Variants in SF3B3 observed in about 807,000 individuals in gnomAD.
SF3B3 encodes the protein SAP 130.
In SF3B3, 33 loss-of-function variants were observed where a neutral mutation model predicts 139.2. The observed-to-expected ratio is 0.24, with a 90% CI of 0.18 to 0.32. The LOEUF is 0.32. SF3B3 is among the 10% of genes least tolerant of loss of function. SF3B3 has a pLI of 1.00. For missense variants in SF3B3, 818 were observed against 1,509.4 expected (o/e 0.54, Z 7.59); for synonymous variants, 596 against 563.6 (o/e 1.06, Z -0.81).
rs1453853433 is a variant in SF3B3 at position 70,544,539 on chromosome 16, G to T, written c.1329+6G>T. On this transcript the variant is annotated splice_donor_region_variant and intron_variant, in intron 10 of 25. Transcript: ENST00000302516. ...TCCTAAGACATGGACTTGAGGTAAG[G>T]TTGCAATTTCTAGATAATCTGCAGG... 2.5e-6 allele frequency: 4 copies of T among 1,569,836 alleles called. No individual in the cohort carries two copies. The highest frequency in any genetic ancestry group is 3.5e-6 in the Non-Finnish European group (4 of 1,139,874).
In SF3B3 at chr16:70,554,564, C is replaced by G. The variant is rs1426672103; in HGVS notation, c.1521C>G (p.Ser507=). ...TCCTGGGGACCACCCCGACCTTGTC[C>G]TGCTCCTTATTAGGAGATGATGCCT... is the stretch of plus-strand genomic sequence containing the variant. ...SGFLGTTPTL[S]CSLLGDDALV... The change falls in exon 12 of 26, where the codon TCC becomes TCG. Residue 507 remains serine, a synonymous_variant. Coordinates refer to ENST00000302516, the MANE Select transcript of SF3B3 (RefSeq NM_012426.5). 1.4e-5 allele frequency: 23 copies of G among 1,614,078 alleles called. No homozygotes were observed. Among genetic ancestry groups the G allele is most frequent in the Non-Finnish European group, 1.9e-5 (22 of 1,180,040 alleles).
intron 8 of SF3B3, among the ~76,000 whole-genome samples, chr16:70,540,541 G>C (rs1469578630): frequency 6.6e-6 from 1 of 152,000 alleles, no homozygotes; most frequent in African/African-American, 2.4e-5. Flanking sequence ...CTATTAGCAA[G>C]GTGCATGCCT....
At chr16:70,564,944 T>C in intron 18 of SF3B3, 121 bp from the exon 19 acceptor site, 1 of 810,298 alleles carries the variant, frequency 1.2e-6, no homozygotes. Flanking sequence ...CTGGCTGGGA[T>C]GGCTGACTTT....
At chr16:70,550,588 A>G in intron 11 of SF3B3, 1 of 883,850 alleles carries the variant, frequency 1.1e-6, no homozygotes, top group South Asian at 5.2e-5. Flanking sequence ...GGCAAATACT[A>G]ACCTTGGCTG....
intron 9 of SF3B3, among the ~76,000 whole-genome samples, chr16:70,543,193 A>AG (rs2050235916): frequency 6.6e-6 from 1 of 151,724 alleles, no homozygotes; most frequent in South Asian, 2.1e-4. Flanking sequence ...AGATCACCTG[A>AG]GGTTGGGAGT....
intron 21 of SF3B3, 127 bp downstream of exon 21, chr16:70,567,663 G>A (rs1466213668): frequency 1.7e-6 from 2 of 1,164,004 alleles, no homozygotes; most frequent in African/African-American, 3.1e-5. Flanking sequence ...CCCAATTCCA[G>A]CTTCAGAATT....
chr16:70,544,152 G>T (rs2050246764), intron 9 of SF3B3, among the ~76,000 whole-genome samples: 2 of 152,198 alleles, frequency 1.3e-5, no homozygotes, highest in Admixed American at 6.5e-5. Context: ...TAAAATGGGT[G>T]TGTTAATTTT....
At chr16:70,542,052 A>G (rs554512886) in intron 9 of SF3B3, among the ~76,000 whole-genome samples, 2 of 152,312 alleles carry the variant, frequency 1.3e-5, no homozygotes, top group East Asian at 3.9e-4. Context: ...ATATTCCTGT[A>G]CAGCTTGCAG....
intron 22 of SF3B3, among the ~76,000 whole-genome samples, chr16:70,568,748 A>C (rs1171843861): frequency 6.6e-6 from 1 of 152,174 alleles, no homozygotes; most frequent in African/African-American, 2.4e-5. Context: ...GCTAATGGCT[A>C]ATATTTCTTT....
At chr16:70,570,839 G>A (rs2050522057) in intron 24 of SF3B3, among the ~76,000 whole-genome samples, 1 of 152,206 alleles carries the variant, frequency 6.6e-6, no homozygotes, top group Non-Finnish European at 1.5e-5. Flanking sequence ...CAAGGAAGCT[G>A]GGATCAGGAA....
At chr16:70,542,469 C>T (rs1276488281) in intron 9 of SF3B3, among the ~76,000 whole-genome samples, 1 of 152,166 alleles carries the variant, frequency 6.6e-6, no homozygotes, top group Admixed American at 6.5e-5. Context: ...TCAGTTGTGA[C>T]AGCCAGGAAT....
Position 70,556,169 on chromosome 16 carries a change from C to G in SF3B3, c.1711-10C>G, listed in dbSNP as rs772701025. On this transcript the variant is annotated splice_polypyrimidine_tract_variant and intron_variant, in intron 13 of 25. Transcript: ENST00000302516. ...GTAGTTTTGACCTTGCTGTGTCTTT[C>G]CTCCTGTAGTCAGGACAGCTGAATG... is the stretch of plus-strand genomic sequence containing the variant. 6.2e-7 allele frequency: 1 copy of G among 1,614,084 alleles called. No homozygotes were observed. The highest frequency in any genetic ancestry group is 8.5e-7 in the Non-Finnish European group (1 of 1,179,952).
chr16:70,561,589 T>C (rs1356690707), intron 16 of SF3B3, 41 bp from the exon 17 acceptor site: 2 of 1,595,782 alleles, frequency 1.3e-6, no homozygotes, highest in East Asian at 2.2e-5. Context: ...TTGTATTTTT[T>C]CCCAAACCTT....
At chr16:70,554,935 C>T (rs2050365616) in intron 12 of SF3B3, 116 bp from the exon 13 acceptor site, 3 of 932,750 alleles carry the variant, frequency 3.2e-6, no homozygotes, top group Non-Finnish European at 4.8e-6. Context: ...TCAACTGGTG[C>T]CTCAAATGCA....
At chr16:70,545,371 A>G (rs1163155610) in intron 10 of SF3B3, among the ~76,000 whole-genome samples, 1 of 152,206 alleles carries the variant, frequency 6.6e-6, no homozygotes, top group Non-Finnish European at 1.5e-5. Flanking sequence ...CTGGCCAAGT[A>G]GCATAATTTT....
chr16:70,570,037 A>G lies in SF3B3; in HGVS notation c.3296A>G (p.Glu1099Gly), dbSNP rs1403026817. 1 of 1,613,974 alleles carries G rather than the reference A, an allele frequency of 6.2e-7. No individual in the cohort carries two copies. Among genetic ancestry groups the G allele is most frequent in the Non-Finnish European group, 8.5e-7 (1 of 1,180,020 alleles). Residue 1099 changes from glutamate (E) to glycine (G), a missense_variant, in exon 24 of 26, where the codon GAG becomes GGG. Glu to Gly is a moderately conservative substitution (Grantham distance 98). This residue lies in a region of SF3B3 where 91 missense variants were observed against 171.8 expected (regional missense o/e 0.53). Transcript: ENST00000302516. ...GTGATCATGAACTACCATGTCGGGG[A>G]GACGGTGCTGTCCTTGCAGAAGACC... Reference protein sequence around the residue: ...AEVIMNYHVGETVLSLQKTTL... With the variant: ...AEVIMNYHVGGTVLSLQKTTL...
chr16:70,570,386 A>G lies in SF3B3; in HGVS notation c.3408+237A>G, dbSNP rs540324953. 8.9e-5 allele frequency among the ~76,000 whole-genome samples: 12 copies of G among 134,990 alleles called. No homozygotes were observed. In the East Asian group the frequency reaches 1.9e-3, roughly 21 times the overall value. 88.6% of individuals were successfully genotyped at this position (134,990 alleles called of 152,430 possible). A position where few individuals can be genotyped will look rare whatever the true frequency, so the allele number is the denominator to read the frequency against. Reference sequence around the variant, plus strand: ...CTCACTGTTACCCGGGCTGGAGTGCAGTGGCGCAATCTCAGCTCATTGCAA... The same window carrying G: ...CTCACTGTTACCCGGGCTGGAGTGCGGTGGCGCAATCTCAGCTCATTGCAA... On this transcript the variant is annotated intron_variant, in intron 24 of 25. Coordinates refer to ENST00000302516, the MANE Select transcript of SF3B3 (RefSeq NM_012426.5).
intron 8 of SF3B3, among the ~76,000 whole-genome samples, 181 bp from the exon 9 acceptor site, chr16:70,541,488 A>G (rs991967634): frequency 2.0e-5 from 3 of 152,238 alleles, no homozygotes; most frequent in African/African-American, 7.2e-5. Context: ...TGCACTTCCC[A>G]GATCTTTTCC....
chr16:70,524,283 A>G (rs963159209), intron 1 of SF3B3, among the ~76,000 whole-genome samples: 12 of 152,280 alleles, frequency 7.9e-5, no homozygotes, highest in Non-Finnish European at 1.5e-4. Flanking sequence ...GGAGCGTGTT[A>G]AAAGCGTAAA....
Sources: allele counts gnomAD v4.1 joint callset (sites outside exome capture counted in the v4.1 genomes callset), GRCh38; gene constraint gnomAD v4.1.1; regional missense constraint gnomAD v4.1.1; transcripts MANE v1.5; gene names NCBI Gene and HGNC (gene_info 2026-07-23, HGNC 2026-07-21).